The following GCH1 variants were observed in gnomAD, a reference collection of about 807,000 sequenced individuals.
GCH1 encodes GTP cyclohydrolase 1.
A neutral mutation model predicts 25.9 loss-of-function variants in GCH1; 5 were observed. The observed-to-expected ratio is 0.19, with a 90% CI of 0.10 to 0.41. The LOEUF is 0.41. Among genes scored for constraint, GCH1 ranks in the 10% least tolerant of loss-of-function variants. The pLI, the probability that GCH1 is intolerant of heterozygous loss-of-function variation, is 1.00. For missense variants in GCH1, 261 were observed against 336.5 expected (o/e 0.78, Z 1.75); for synonymous variants, 159 against 129.6 (o/e 1.23, Z -1.54).
At chr14:54,901,486 G>A (rs1205082916) in intron 1 of GCH1, among the ~76,000 whole-genome samples, 1 of 152,086 alleles carries the variant, frequency 6.6e-6, no homozygotes, top group Non-Finnish European at 1.5e-5. Context: ...CACCCTCTGG[G>A]TGAAAAGCCG....
intron 1 of GCH1, among the ~76,000 whole-genome samples, chr14:54,881,181 C>T (rs1189429955): frequency 6.6e-6 from 1 of 151,536 alleles, no homozygotes. Context: ...TTTGTTTTTT[C>T]TATAAAAATA....
intron 1 of GCH1, among the ~76,000 whole-genome samples, chr14:54,880,907 C>G (rs2040262562): frequency 6.7e-6 from 1 of 148,454 alleles, no homozygotes; most frequent in Non-Finnish European, 1.5e-5. Context: ...TTACCGCAAC[C>G]TCCACCTCCC....
intron 1 of GCH1, among the ~76,000 whole-genome samples, chr14:54,884,557 G>A (rs1362886262): frequency 1.3e-5 from 2 of 152,028 alleles, no homozygotes; most frequent in South Asian, 2.1e-4. Context: ...ATCATTTGAG[G>A]TCAGGAGTTC....
At chr14:54,859,143 C>A in intron 3 of GCH1, 1 of 161,140 alleles carries the variant, frequency 6.2e-6, no homozygotes, top group Non-Finnish European at 1.4e-5. Flanking sequence ...TGCCTGGAGG[C>A]ATCCAGTGCA....
At chr14:54,859,299 A>G in intron 3 of GCH1, 1 of 259,370 alleles carries the variant, frequency 3.9e-6, no homozygotes, top group Non-Finnish European at 7.6e-6. Flanking sequence ...TCGACAGCAG[A>G]GCACTGCAGC....
At chr14:54,862,848 C>A (rs954778696) in intron 2 of GCH1, among the ~76,000 whole-genome samples, 3 of 151,964 alleles carry the variant, frequency 2.0e-5, no homozygotes, top group African/African-American at 7.3e-5. Flanking sequence ...CTGAAGGAAA[C>A]AAATCTGGAA....
chr14:54,847,774 G>A (rs1323006184), intron 3 of GCH1, among the ~76,000 whole-genome samples: 1 of 152,082 alleles, frequency 6.6e-6, no homozygotes, highest in Non-Finnish European at 1.5e-5. Flanking sequence ...TCCCCAGAAA[G>A]AGAATTAATG....
chr14:54,848,514 C>G (rs1280575640), intron 3 of GCH1, among the ~76,000 whole-genome samples: 1 of 152,160 alleles, frequency 6.6e-6, no homozygotes, highest in East Asian at 1.9e-4. Flanking sequence ...TTGAAGATGA[C>G]TATTCACACT....
chr14:54,870,436 C>T (rs1000118322), intron 1 of GCH1, among the ~76,000 whole-genome samples: 4 of 150,596 alleles, frequency 2.7e-5, no homozygotes, highest in African/African-American at 4.9e-5. Flanking sequence ...ACGCATAAGA[C>T]GGGTGATTTC....
chr14:54,856,778 A>G (rs1453255514), intron 3 of GCH1, among the ~76,000 whole-genome samples: 1 of 152,196 alleles, frequency 6.6e-6, no homozygotes, highest in East Asian at 1.9e-4. Flanking sequence ...CTAAGGGAAG[A>G]AAATGAATAC....
intron 3 of GCH1, among the ~76,000 whole-genome samples, chr14:54,849,972 A>AT (rs1035346501): frequency 4.6e-5 from 7 of 150,876 alleles, no homozygotes; most frequent in South Asian, 4.2e-4. Context: ...CCCTTTGTCA[A>AT]TTTTTTTTTG....
chr14:54,859,807 T>C (rs1024854624), intron 2 of GCH1, 71 bp from the exon 3 acceptor site: 4 of 827,372 alleles, frequency 4.8e-6, no homozygotes, highest in Non-Finnish European at 6.4e-6. Flanking sequence ...AATAAGGAAA[T>C]ATAGAAAGAA....
At chr14:54,860,194 G>A (rs940246701) in intron 2 of GCH1, among the ~76,000 whole-genome samples, 2 of 152,190 alleles carry the variant, frequency 1.3e-5, no homozygotes, top group East Asian at 3.8e-4. Flanking sequence ...GTGGACCCAT[G>A]CAGTTCAAAT....
chr14:54,843,106 C>A lies in GCH1; in HGVS notation c.*911G>T. 1 of 1,479,074 alleles carries A rather than the reference C, an allele frequency of 6.8e-7. No homozygotes were observed. Among genetic ancestry groups the A allele is most frequent in the South Asian group, 1.2e-5 (1 of 83,184 alleles). 91.6% of individuals were successfully genotyped at this position (1,479,074 alleles called of 1,614,324 possible). On this transcript the variant is annotated 3_prime_UTR_variant, in exon 6 of 6. Transcript: ENST00000491895. ...TTTCTGGAAATACTTAGAAAAATAT[C>A]TTATAAGATTAAAAAAAAGAAGAAG...
At position 54,902,489 on chromosome 14, in the gene GCH1, G is replaced by A. The variant is rs753312849; in HGVS notation, c.175C>T (p.Arg59Cys). ...PADGWKGERP[R>C]SEEDNELNLP... ...TTCAGCTCGTTATCCTCCTCGCTGC[G>A]GGGCCGCTCGCCCTTCCAGCCGTCC... The change falls in exon 1 of 6, where the codon CGC becomes TGC. Residue 59 changes from arginine (R) to cysteine (C), a missense_variant. Arg to Cys is a radical substitution (Grantham distance 180). Around this residue, in one of 3 missense-constraint regions of GCH1, gnomAD observed 125 missense variants for 128.7 expected, o/e 0.97. Coordinates refer to ENST00000491895, the MANE Select transcript of GCH1 (RefSeq NM_000161.3). 1.2e-6 allele frequency: 2 copies of A among 1,609,310 alleles called. No individual in the cohort carries two copies. Among genetic ancestry groups the A allele is most frequent in the African/African-American group, 1.3e-5 (1 of 74,738 alleles).
At chr14:54,862,513 G>A (rs2039916128) in intron 2 of GCH1, among the ~76,000 whole-genome samples, 3 of 149,506 alleles carry the variant, frequency 2.0e-5, no homozygotes. Flanking sequence ...CTCCCGAGTA[G>A]CTGAGACCAC....
At chr14:54,855,792 C>T (rs1455213069) in intron 3 of GCH1, among the ~76,000 whole-genome samples, 5 of 151,874 alleles carry the variant, frequency 3.3e-5, no homozygotes, top group African/African-American at 7.3e-5. Flanking sequence ...CCAGCCTGGC[C>T]GACAAAGCAA....
chr14:54,876,218 G>A (rs2040157912), intron 1 of GCH1, among the ~76,000 whole-genome samples: 1 of 152,238 alleles, frequency 6.6e-6, no homozygotes, highest in African/African-American at 2.4e-5. Context: ...GAAGCTGGAA[G>A]CCATCATTCT....
intron 1 of GCH1, among the ~76,000 whole-genome samples, chr14:54,897,052 C>CT (rs1337310343): frequency 2.5e-4 from 35 of 141,142 alleles, no homozygotes; most frequent in Non-Finnish European, 4.4e-4. Flanking sequence ...GCTCTGTCGC[C>CT]AGGCTGGAGT....
Sources: allele counts gnomAD v4.1 joint callset (sites outside exome capture counted in the v4.1 genomes callset), GRCh38; gene constraint gnomAD v4.1.1; regional missense constraint gnomAD v4.1.1; transcripts MANE v1.5; gene names NCBI Gene and HGNC (gene_info 2026-07-23, HGNC 2026-07-21).